Variants in INCA1 observed in about 807,000 individuals in gnomAD.
INCA1 encodes protein INCA1.
A neutral mutation model predicts 25.7 loss-of-function variants in INCA1; 28 were observed. That is an observed-to-expected ratio of 1.09 (90% CI 0.81 to 1.49). The LOEUF (loss-of-function observed/expected upper bound fraction) is 1.49, where lower values mean the gene tolerates loss of function less well. INCA1 is among the 40% of genes most tolerant of loss of function. INCA1 has a pLI of 0.00. For missense variants in INCA1, 309 were observed against 290.9 expected, an observed-to-expected ratio of 1.06 and a Z score of -0.45; for synonymous variants, 111 against 103.6, an observed-to-expected ratio of 1.07 and a Z score of -0.43.
chr17:4,989,983 T>A, intron 3 of INCA1, 54 bp from the exon 4 acceptor site: 4 of 1,612,952 alleles, frequency 2.5e-6, no homozygotes, highest in Non-Finnish European at 3.4e-6. Context: ...TCCATCCATA[T>A]TGCTTCTTTA....
exon 7 of INCA1, chr17:4,988,501 C>T (rs1184379333): frequency 1.2e-6 from 2 of 1,613,988 alleles, no homozygotes; most frequent in Non-Finnish European, 1.7e-6. Context: ...AGTGCAGCTG[C>T]CTGGAGGCAC....
At chr17:4,988,341 T>C in exon 7 of INCA1, 1 of 1,509,548 alleles carries the variant, frequency 6.6e-7, no homozygotes, top group East Asian at 2.3e-5. Flanking sequence ...AGGGTGACTC[T>C]AGTGACGGAA....
chr17:4,996,494 C>A (rs755610985), intron 1 of INCA1, among the ~76,000 whole-genome samples: 41 of 151,388 alleles, frequency 2.7e-4, no homozygotes, highest in Non-Finnish European at 5.5e-4. Context: ...CCAGCCTGGC[C>A]AACACAGCGA....
In INCA1 at chr17:4,990,190, A is replaced by G. The variant is rs755194319; in HGVS notation, c.120T>C (p.Tyr40=). The change falls in exon 3 of 7, where the codon TAT becomes TAC. Residue 40 remains tyrosine, a synonymous_variant. Coordinates refer to ENST00000576820, the Ensembl canonical transcript of INCA1. ...TAAGGTTCTTCCAGAAGACATCTCCATAACGCTGGGGCATGGGTCTGAGGC... is the reference window on the plus strand; with the variant it reads ...TAAGGTTCTTCCAGAAGACATCTCCGTAACGCTGGGGCATGGGTCTGAGGC... The G allele has an allele frequency of 1.1e-5, 18 of 1,614,166 alleles. No individual in the cohort carries two copies. In the East Asian group the frequency reaches 1.8e-4, roughly 16 times the overall value.
At chr17:4,991,013 G>A (rs1409321190) in intron 2 of INCA1, among the ~76,000 whole-genome samples, 1 of 151,432 alleles carries the variant, frequency 6.6e-6, no homozygotes, top group Non-Finnish European at 1.5e-5. Context: ...CCACCTCCCG[G>A]GTTCAAGTGA....
At position 4,993,486 on chromosome 17, in the gene INCA1, T is replaced by A. The variant is rs150030728; in HGVS notation, c.44+908A>T. ...AGCCATTGGGCCCGGCCTTTTTTTT[T>A]GAGACGGAGTCTCGCTTTGTCACTC... On this transcript the variant is annotated intron_variant, in intron 2 of 6. Coordinates refer to ENST00000576820, the Ensembl canonical transcript of INCA1. Among the ~76,000 whole-genome samples, 1,152 of 152,130 alleles carry A rather than the reference T, an allele frequency of 7.6e-3. 15 individuals are homozygous for A. The highest frequency in any genetic ancestry group is 0.026 in the African/African-American group (1,063 of 41,492).
In INCA1 at chr17:4,994,219, C is replaced by T. The variant is rs1044409718; in HGVS notation, c.44+175G>A. On this transcript the variant is annotated intron_variant, in intron 2 of 6. Coordinates refer to ENST00000576820, the Ensembl canonical transcript of INCA1. ...GAATCCCCAGTGCCTAATACAGTCC[C>T]TGGAACATTGTAGTGTTCAAACTAT... 2.6e-5 allele frequency among the ~76,000 whole-genome samples: 4 copies of T among 152,220 alleles called. No individual in the cohort carries two copies. The South Asian group carries it at 8.3e-4, about 31-fold the overall frequency.
At chr17:4,995,628 C>T (rs570945995) in intron 1 of INCA1, among the ~76,000 whole-genome samples, 1 of 151,520 alleles carries the variant, frequency 6.6e-6, no homozygotes, top group East Asian at 1.9e-4. Context: ...GACGTCATCT[C>T]TATTTAAAAA....
intron 2 of INCA1, among the ~76,000 whole-genome samples, chr17:4,992,390 C>T (rs1325817029): frequency 6.6e-6 from 1 of 152,058 alleles, no homozygotes; most frequent in African/African-American, 2.4e-5. Context: ...TCAAGCAATC[C>T]TCCTGCCTCA....
intron 5 of INCA1, 29 bp from the exon 6 acceptor site, chr17:4,988,973 G>T (rs1348534469): frequency 6.3e-7 from 1 of 1,592,188 alleles, no homozygotes. Context: ...GAGGAGAGAA[G>T]TGCCTGGAGG....
At chr17:4,988,180 G>T, downstream of INCA1, 2 of 462,114 alleles carry the variant, frequency 4.3e-6, no homozygotes, top group Non-Finnish European at 7.6e-6. Flanking sequence ...AAGGCCAGGA[G>T]CGGGGCCTGG....
chr17:4,989,743 T>A (rs1269410411), intron 4 of INCA1, 119 bp from the exon 5 acceptor site: 1 of 1,545,878 alleles, frequency 6.5e-7, no homozygotes, highest in Non-Finnish European at 8.9e-7. Flanking sequence ...CTCGAAAACA[T>A]GATGACTGAT....
intron 6 of INCA1, 59 bp downstream of exon 6, chr17:4,988,720 A>C: frequency 1.2e-6 from 2 of 1,601,258 alleles, no homozygotes; most frequent in Non-Finnish European, 1.7e-6. Context: ...CTGCATCTCC[A>C]TGCAAGACCA....
At chr17:4,988,440 G>T in exon 7 of INCA1, 2 of 1,612,248 alleles carry the variant, frequency 1.2e-6, no homozygotes, top group South Asian at 1.1e-5. Context: ...ATCCCCCAGG[G>T]ATTGTGAAGG....
At chr17:4,996,384 A>T (rs1294721886) in intron 1 of INCA1, among the ~76,000 whole-genome samples, 1 of 150,532 alleles carries the variant, frequency 6.6e-6, no homozygotes, top group Non-Finnish European at 1.5e-5. Flanking sequence ...CCTGTTTCTA[A>T]GAAGAAAAAA....
At chr17:4,988,686 G>T in intron 6 of INCA1, 93 bp downstream of exon 6, 2 of 1,576,954 alleles carry the variant, frequency 1.3e-6, no homozygotes, top group Admixed American at 3.6e-5. Flanking sequence ...CTCAAATCCA[G>T]CTCTCCAGCC....
chr17:4,989,808 G>A (rs1018943902), intron 4 of INCA1, 82 bp downstream of exon 4: 14 of 1,596,900 alleles, frequency 8.8e-6, no homozygotes, highest in African/African-American at 4.0e-5. Flanking sequence ...AGAGGGAAGC[G>A]GTAATAAGGA....
At chr17:4,989,018 G>A in intron 5 of INCA1, 74 bp from the exon 6 acceptor site, 1 of 1,454,112 alleles carries the variant, frequency 6.9e-7, no homozygotes, top group Non-Finnish European at 9.2e-7. Flanking sequence ...TCACCTTTCT[G>A]TTCTGAAATA....
exon 2 of INCA1, chr17:4,994,416 C>G: frequency 6.2e-7 from 1 of 1,613,858 alleles, no homozygotes; most frequent in Non-Finnish European, 8.5e-7. Context: ...ATGAGGTTGA[C>G]TCCATCATCC....
Sources: gnomAD v4.1 joint callset for allele counts (sites outside exome capture counted in the v4.1 genomes callset) on GRCh38, gnomAD v4.1.1 for gene constraint, MANE v1.5 for transcripts, NCBI Gene and HGNC (gene_info 2026-07-23, HGNC 2026-07-21) for gene names.